REPS1: variants seen among roughly 807,000 people sequenced by gnomAD.
REPS1 encodes the protein ralBP1-associated Eps domain-containing protein 1.
A neutral mutation model predicts 100.9 loss-of-function variants in REPS1; 39 were observed. That is an observed-to-expected ratio of 0.39 (90% CI 0.30 to 0.50). The LOEUF is 0.50. REPS1 is among the 20% of genes least tolerant of loss of function. The probability of loss-of-function intolerance (pLI) is 0.86; values close to 1 mark genes in which losing one functional copy is unlikely to be tolerated. For synonymous variants in REPS1, 324 were observed against 340.3 expected (o/e 0.95, Z 0.53); for missense variants, 821 against 968.5 (o/e 0.85, Z 2.02).
At position 138,945,539 on chromosome 6, in the gene REPS1, G is replaced by A; in HGVS notation, c.436C>T (p.His146Tyr). 1 of 1,611,414 alleles carries A rather than the reference G, an allele frequency of 6.2e-7. No individual in the cohort carries two copies. The highest frequency in any genetic ancestry group is 8.5e-7 in the Non-Finnish European group (1 of 1,179,144). ...RGQVKKGSVS[H>Y]DTVQPRTSAD... ...GATGTACGAGGCTGAACCGTATCATGGCTTACGGATCCCTTTTTCACTTGC... is the reference window on the plus strand; with the variant it reads ...GATGTACGAGGCTGAACCGTATCATAGCTTACGGATCCCTTTTTCACTTGC... The change falls in exon 3 of 20, where the codon CAT (histidine) becomes TAT (tyrosine). Residue 146 changes from histidine (H) to tyrosine (Y), a missense_variant. By Grantham distance (83) the His-to-Tyr change is moderately conservative. Around this residue, in one of 3 missense-constraint regions of REPS1, gnomAD observed 757 missense variants for 866.4 expected, o/e 0.87. Transcript: ENST00000450536.
chr6:138,974,487 T>C (rs984207324), intron 1 of REPS1, among the ~76,000 whole-genome samples: 16 of 152,196 alleles, frequency 1.1e-4, no homozygotes, highest in African/African-American at 3.4e-4. Flanking sequence ...GGGTTGTTTA[T>C]ACAAATAGCT....
rs868590951 is a variant in REPS1 at position 138,987,536 on chromosome 6, G to A, written c.147C>T (p.Val49=). The A allele has an allele frequency of 1.3e-6, 2 of 1,549,604 alleles. No homozygotes were observed. Among genetic ancestry groups the A allele is most frequent in the Middle Eastern group, 1.7e-4 (1 of 5,972 alleles). Residue 49 remains valine, a synonymous_variant, in exon 1 of 20, where the codon GTC becomes GTT. Transcript: ENST00000450536. ...FRAAQLPNDV[V]LQIMELCGAT... ...CCCCGGGACGCGACGTTACCTGTAGGACCACGTCGTTCGGCAGCTGCGCGG... is the reference window on the plus strand; with the variant it reads ...CCCCGGGACGCGACGTTACCTGTAGAACCACGTCGTTCGGCAGCTGCGCGG...
chr6:138,979,180 C>CAAA (rs568626153), intron 1 of REPS1, among the ~76,000 whole-genome samples: 2,325 of 59,184 alleles, frequency 0.039, 135 homozygotes, highest in South Asian at 0.1. Flanking sequence ...GAATCCATCA[C>CAAA]AAAAAAAAAA....
Position 138,941,276 on chromosome 6 carries a change from G to C in REPS1, c.1135+59C>G. 1.9e-6 allele frequency: 3 copies of C among 1,552,436 alleles called. No homozygotes were observed. The South Asian group carries it at 3.5e-5, about 18-fold the overall frequency. On this transcript the variant is annotated intron_variant, in intron 8 of 19. Transcript: ENST00000450536. The stretch of plus-strand genomic sequence containing the variant: ...AACCTCTATCTTGATTTTTCTTTCA[G>C]AATCAAGCATTATGTTTATCAAGGC...
At chr6:138,946,849 C>G (rs1393800204) in intron 2 of REPS1, among the ~76,000 whole-genome samples, 3 of 152,108 alleles carry the variant, frequency 2.0e-5, no homozygotes, top group Non-Finnish European at 4.4e-5. Context: ...ACTTGAAAAA[C>G]AAATTATCTG....
In REPS1 at chr6:138,987,976, G is replaced by A; in HGVS notation, c.-294C>T. The A allele has an allele frequency of 2.6e-6, 1 of 390,930 alleles. No individual in the cohort carries two copies. The highest frequency in any genetic ancestry group is 1.3e-4 in the South Asian group (1 of 7,834). 24.2% of individuals were successfully genotyped at this position (390,930 alleles called of 1,614,324 possible). A position where few individuals can be genotyped will look rare whatever the true frequency, so the allele number is the denominator to read the frequency against. Reference sequence around the variant, plus strand: ...CGGCTCCGGCCGCGGGGAGGGTGCAGAGAAAGAGGCGGGGGCCGCGGAGGC... The same window carrying A: ...CGGCTCCGGCCGCGGGGAGGGTGCAAAGAAAGAGGCGGGGGCCGCGGAGGC... On this transcript the variant is annotated 5_prime_UTR_variant, in exon 1 of 20. Transcript: ENST00000450536.
intron 1 of REPS1, among the ~76,000 whole-genome samples, chr6:138,977,788 T>C (rs1026091673): frequency 6.6e-6 from 1 of 152,246 alleles, no homozygotes; most frequent in African/African-American, 2.4e-5. Context: ...CTGGTTGCTA[T>C]GGCAAATTTA....
chr6:138,959,475 A>G (rs1161795943), intron 1 of REPS1, among the ~76,000 whole-genome samples: 2 of 151,906 alleles, frequency 1.3e-5, no homozygotes, highest in Non-Finnish European at 2.9e-5. Flanking sequence ...AATGAGTTTA[A>G]TAAAATGGAA....
At chr6:138,911,063 C>G in intron 17 of REPS1, 1 of 443,298 alleles carries the variant, frequency 2.3e-6, no homozygotes, top group Non-Finnish European at 4.0e-6. Flanking sequence ...GCAATAACCA[C>G]TTAAATTTTG....
At chr6:138,923,427 TA>T (rs1215652186) in intron 10 of REPS1, among the ~76,000 whole-genome samples, 2 of 152,230 alleles carry the variant, frequency 1.3e-5, no homozygotes. Flanking sequence ...AACATTCATC[TA>T]ATCTATATTC....
intron 1 of REPS1, among the ~76,000 whole-genome samples, chr6:138,951,481 G>A (rs374451204): frequency 6.6e-6 from 1 of 152,106 alleles, no homozygotes; most frequent in African/African-American, 2.4e-5. Context: ...TAGACGTGGT[G>A]TATTACTTTT....
At chr6:138,933,494 T>G (rs1781607715) in intron 8 of REPS1, among the ~76,000 whole-genome samples, 1 of 152,212 alleles carries the variant, frequency 6.6e-6, no homozygotes, top group Non-Finnish European at 1.5e-5. Context: ...ATTCTCAGCT[T>G]GTGGGCTAGT....
intron 19 of REPS1, 153 bp downstream of exon 19, chr6:138,907,341 GC>G: frequency 1.1e-5 from 4 of 349,490 alleles, no homozygotes; most frequent in Admixed American, 5.1e-5. Flanking sequence ...TGTGTGTGTG[GC>G]GGGGAGGGGT....
At chr6:138,913,023 C>T in intron 15 of REPS1, 73 bp from the exon 16 acceptor site, 1 of 1,262,566 alleles carries the variant, frequency 7.9e-7, no homozygotes, top group Middle Eastern at 2.1e-4. Context: ...TCTTCTTCTT[C>T]TTCGAAAACT....
chr6:138,968,901 C>T (rs1194695283), intron 1 of REPS1, among the ~76,000 whole-genome samples: 1 of 148,902 alleles, frequency 6.7e-6, no homozygotes, highest in East Asian at 2.0e-4. Context: ...TCAGATGTGA[C>T]AAACAACAAA....
chr6:138,925,281 C>G (rs1019498643), intron 10 of REPS1, among the ~76,000 whole-genome samples: 7 of 151,952 alleles, frequency 4.6e-5, no homozygotes, highest in Non-Finnish European at 1.0e-4. Context: ...GTAGGAGAAT[C>G]GGTTGAACCC....
chr6:138,947,667 G>C, intron 2 of REPS1, 123 bp downstream of exon 2: 1 of 832,166 alleles, frequency 1.2e-6, no homozygotes, highest in Non-Finnish European at 1.8e-6. Flanking sequence ...ATAAAGTCAC[G>C]ACACTTCACT....
chr6:138,972,246 A>C (rs1356337145), intron 1 of REPS1, among the ~76,000 whole-genome samples: 1 of 152,214 alleles, frequency 6.6e-6, no homozygotes, highest in Non-Finnish European at 1.5e-5. Flanking sequence ...AATAAGCACG[A>C]AAGTGAGGAG....
chr6:138,919,384 T>C (rs1980595), intron 12 of REPS1, among the ~76,000 whole-genome samples: 22,525 of 152,104 alleles, frequency 0.15, 1,764 homozygotes, highest in African/African-American at 0.17. Flanking sequence ...TTTGGCCTAT[T>C]ACCATTAGGA....
Sources: gnomAD v4.1 joint callset for allele counts (sites outside exome capture counted in the v4.1 genomes callset) on GRCh38, gnomAD v4.1.1 for gene constraint, gnomAD v4.1.1 regional missense constraint, MANE v1.5 for transcripts, NCBI Gene and HGNC (gene_info 2026-07-23, HGNC 2026-07-21) for gene names.